The following KCNJ15 variants were observed in gnomAD, a reference collection of about 807,000 sequenced individuals.
KCNJ15 encodes the protein potassium inwardly rectifying channel subfamily J member 15.
A neutral mutation model predicts 23.0 loss-of-function variants in KCNJ15; 14 were observed. The observed-to-expected ratio is 0.61, with a 90% CI of 0.40 to 0.95. The LOEUF (loss-of-function observed/expected upper bound fraction) is 0.95. Ranked by LOEUF, KCNJ15 falls within the 40% of genes least tolerant of loss-of-function variation. The pLI is 0.00. For missense variants in KCNJ15, 388 were observed against 461.8 expected (o/e 0.84, Z 1.46); for synonymous variants, 185 against 183.2 (o/e 1.01, Z -0.08).
At chr21:38,287,453 G>A (rs1183371719) in intron 1 of KCNJ15, among the ~76,000 whole-genome samples, 1 of 152,180 alleles carries the variant, frequency 6.6e-6, no homozygotes, top group Non-Finnish European at 1.5e-5. Flanking sequence ...AAATACAAAT[G>A]TAAGGCCACT....
Position 38,286,444 on chromosome 21 carries a change from G to A in KCNJ15, c.-116-10482G>A, listed in dbSNP as rs150606846. On this transcript the variant is annotated intron_variant, in intron 1 of 2. Transcript: ENST00000398938. The stretch of plus-strand genomic sequence containing the variant: ...AAGATGTTGGAATGTCTCCTCATTG[G>A]TCTTACTGTTCCAATCACGTGAGCA... 9.2e-5 allele frequency among the ~76,000 whole-genome samples: 14 copies of A among 152,228 alleles called. No homozygotes were observed. The East Asian group carries it at 2.7e-3, about 29-fold the overall frequency.
intron 1 of KCNJ15, among the ~76,000 whole-genome samples, chr21:38,286,617 C>T (rs1162609158): frequency 3.3e-5 from 5 of 152,064 alleles, no homozygotes; most frequent in East Asian, 3.9e-4. Flanking sequence ...AGATTGTGTA[C>T]GAGGGGAATA....
intron 1 of KCNJ15, among the ~76,000 whole-genome samples, chr21:38,288,923 G>A (rs1984274133): frequency 6.6e-6 from 1 of 152,142 alleles, no homozygotes; most frequent in Non-Finnish European, 1.5e-5. Flanking sequence ...CATTAAGCCG[G>A]GCGCGGTGGC....
chr21:38,268,559 A>G (rs1981719725), intron 1 of KCNJ15, among the ~76,000 whole-genome samples: 1 of 126,820 alleles, frequency 7.9e-6, no homozygotes, highest in African/African-American at 4.2e-5. Flanking sequence ...TGAAAAAAAA[A>G]AAAAAAAAAA....
chr21:38,293,054 G>A (rs2836293), intron 1 of KCNJ15, among the ~76,000 whole-genome samples: 53,079 of 151,278 alleles, frequency 0.35, 11,721 homozygotes, highest in Non-Finnish European at 0.5. Context: ...ATAATCCTAA[G>A]ATAAAAAAAT....
chr21:38,246,328 T>C (rs2410015), intron 1 of KCNJ15, among the ~76,000 whole-genome samples: 91,641 of 152,090 alleles, frequency 0.6, 29,684 homozygotes, highest in East Asian at 0.86. Context: ...GTTTTTTGCG[T>C]GTTGCCAATT....
At position 38,264,367 on chromosome 21, in the gene KCNJ15, T is replaced by A. The variant is rs1001824435; in HGVS notation, c.-117+7182T>A. The stretch of plus-strand genomic sequence containing the variant: ...TCAGGCCTGGGCTGGGAACCCTCTG[T>A]GGGATTCCCTCCCCATTCCCGGAGA... On this transcript the variant is annotated intron_variant, in intron 1 of 2. Coordinates refer to ENST00000398938, the MANE Select transcript of KCNJ15 (RefSeq NM_170736.3). Among the ~76,000 whole-genome samples, 5 of 152,350 alleles carry A rather than the reference T, an allele frequency of 3.3e-5. No individual in the cohort carries two copies. In the South Asian group the frequency reaches 1.0e-3, roughly 32 times the overall value.
At chr21:38,261,511 G>C (rs1441008483) in intron 1 of KCNJ15, among the ~76,000 whole-genome samples, 1 of 152,042 alleles carries the variant, frequency 6.6e-6, no homozygotes, top group Non-Finnish European at 1.5e-5. Context: ...AAAATGATAA[G>C]CAAAAAATAC....
intron 1 of KCNJ15, among the ~76,000 whole-genome samples, chr21:38,293,646 C>T (rs1473997478): frequency 2.0e-5 from 3 of 152,190 alleles, no homozygotes; most frequent in Non-Finnish European, 4.4e-5. Context: ...TGATAATTCC[C>T]CTGGAGGAGA....
chr21:38,283,910 G>C (rs927427950), intron 1 of KCNJ15, among the ~76,000 whole-genome samples: 1 of 152,154 alleles, frequency 6.6e-6, no homozygotes, highest in Non-Finnish European at 1.5e-5. Flanking sequence ...TCCTTTGCCT[G>C]TATCTCTGAC....
rs978793057 is a variant in KCNJ15, at chr21:38,305,530, T to G, written c.*5141T>G. ...AACGATGTCATATATGTAGGCAAAG[T>G]CTTTGTAATCTGAATATAATGCCAG... On this transcript the variant is annotated 3_prime_UTR_variant, in exon 3 of 3. Transcript: ENST00000398938. 2 of 152,254 alleles carry G rather than the reference T, an allele frequency of 1.3e-5. No individual in the cohort carries two copies. Among genetic ancestry groups the G allele is most frequent in the African/African-American group, 4.8e-5 (2 of 41,462 alleles). 9.4% of individuals were successfully genotyped at this position (152,254 alleles called of 1,614,324 possible). A position where few individuals can be genotyped will look rare whatever the true frequency, so the allele number is the denominator to read the frequency against.
chr21:38,281,119 G>A (rs1448920454), intron 1 of KCNJ15, among the ~76,000 whole-genome samples: 1 of 152,116 alleles, frequency 6.6e-6, no homozygotes, highest in Non-Finnish European at 1.5e-5. Context: ...GCATTTAAAT[G>A]AGCCCTCAGG....
intron 1 of KCNJ15, among the ~76,000 whole-genome samples, chr21:38,277,924 C>G (rs937138873): frequency 6.6e-6 from 1 of 152,128 alleles, no homozygotes; most frequent in Non-Finnish European, 1.5e-5. Flanking sequence ...GAGCATCTAC[C>G]ACATGCCAGC....
chr21:38,284,792 G>GT, intron 1 of KCNJ15, among the ~76,000 whole-genome samples: 1 of 152,184 alleles, frequency 6.6e-6, no homozygotes, highest in South Asian at 2.1e-4. Context: ...TATCCTCCTC[G>GT]TTTCCTGGAA....
chr21:38,243,109 G>A (rs560289253), intron 1 of KCNJ15, among the ~76,000 whole-genome samples: 19 of 151,960 alleles, frequency 1.3e-4, no homozygotes, highest in African/African-American at 4.6e-4. Flanking sequence ...TTTGGGCCAC[G>A]TTTTTAGAAA....
At chr21:38,248,980 A>G (rs1422286251) in intron 1 of KCNJ15, among the ~76,000 whole-genome samples, 2 of 152,180 alleles carry the variant, frequency 1.3e-5, no homozygotes, top group African/African-American at 2.4e-5. Flanking sequence ...AGATAAGTCA[A>G]TCCGCTTGCC....
intron 1 of KCNJ15, among the ~76,000 whole-genome samples, chr21:38,287,459 C>T (rs1023240259): frequency 2.0e-5 from 3 of 152,164 alleles, no homozygotes; most frequent in African/African-American, 7.2e-5. Flanking sequence ...AAATGTAAGG[C>T]CACTCTGTAC....
intron 1 of KCNJ15, among the ~76,000 whole-genome samples, chr21:38,233,146 A>G (rs1978381188): frequency 6.6e-6 from 1 of 151,988 alleles, no homozygotes; most frequent in South Asian, 2.1e-4. Flanking sequence ...AGGTATTTAT[A>G]TGATTATAAT....
At chr21:38,250,080 C>T (rs921886151) in intron 1 of KCNJ15, among the ~76,000 whole-genome samples, 3 of 152,200 alleles carry the variant, frequency 2.0e-5, no homozygotes, top group Admixed American at 6.5e-5. Context: ...TTTCACTTTA[C>T]GTAACTTAGC....
Sources: gnomAD v4.1 joint callset for allele counts (sites outside exome capture counted in the v4.1 genomes callset) on GRCh38, gnomAD v4.1.1 for gene constraint, MANE v1.5 for transcripts, NCBI Gene and HGNC (gene_info 2026-07-23, HGNC 2026-07-21) for gene names.